PDK1: variants seen among roughly 807,000 people sequenced by gnomAD.
PDK1 encodes the protein [Pyruvate dehydrogenase (acetyl-transferring)] kinase isozyme 1, mitochondrial.
Under a neutral mutation model 54.2 loss-of-function variants are expected in PDK1, and 39 were observed. That is an observed-to-expected ratio of 0.72 (90% CI 0.56 to 0.94). PDK1 has a LOEUF of 0.94. Ranked by LOEUF, PDK1 falls within the 40% of genes least tolerant of loss-of-function variation. The probability of loss-of-function intolerance (pLI) is 0.00; values close to 1 mark genes in which losing one functional copy is unlikely to be tolerated. For synonymous variants in PDK1, 221 were observed against 207.1 expected, an observed-to-expected ratio of 1.07 and a Z score of -0.58; for missense variants, 552 against 566.0, an observed-to-expected ratio of 0.98 and a Z score of 0.25.
chr2:172,582,118 G>GGCC (rs929828794), intron 8 of PDK1, among the ~76,000 whole-genome samples: 1 of 152,034 alleles, frequency 6.6e-6, no homozygotes, highest in Non-Finnish European at 1.5e-5. Flanking sequence ...TCACCATGTT[G>GGCC]GCCAGGCTGG....
upstream of PDK1, chr2:172,556,003 G>C (rs1688290972): frequency 2.0e-6 from 1 of 504,306 alleles, no homozygotes; most frequent in Non-Finnish European, 3.2e-6. Flanking sequence ...CAGCGGCGCA[G>C]GGGGCCGGGC....
chr2:172,616,745 A>C, the PDK1 span, among the ~76,000 whole-genome samples: 1 of 152,216 alleles, frequency 6.6e-6, no homozygotes, highest in African/African-American at 2.4e-5. Flanking sequence ...TTTTAAAAGC[A>C]ATAAAATAAT....
chr2:172,689,800 T>C, the PDK1 span, among the ~76,000 whole-genome samples: 2,357 of 138,952 alleles, frequency 0.017, 80 homozygotes, highest in African/African-American at 0.055. Context: ...TAGCCATATG[T>C]AGAAAGCTGA....
the PDK1 span, among the ~76,000 whole-genome samples, chr2:172,625,134 GT>G: frequency 3.9e-5 from 6 of 152,176 alleles, 1 homozygote; most frequent in African/African-American, 9.7e-5. Flanking sequence ...GGACTGTGAG[GT>G]GACAGAAATA....
the PDK1 span, among the ~76,000 whole-genome samples, chr2:172,660,366 C>T: frequency 7.0e-6 from 1 of 143,344 alleles, no homozygotes; most frequent in Admixed American, 7.3e-5. Flanking sequence ...AAGCAATTCT[C>T]CTGCCTCAGC....
chr2:172,720,116 C>CT, the PDK1 span, among the ~76,000 whole-genome samples: 19,372 of 116,520 alleles, frequency 0.17, 2,186 homozygotes, highest in African/African-American at 0.29. Flanking sequence ...CTCTCTCTCT[C>CT]TTTTTTTTTT....
chr2:172,718,186 TAAA>T, the PDK1 span, among the ~76,000 whole-genome samples: 35 of 152,342 alleles, frequency 2.3e-4, no homozygotes, highest in African/African-American at 7.9e-4. Flanking sequence ...TGGTATTTTC[TAAA>T]AAGAGAAATC....
intron 8 of PDK1, among the ~76,000 whole-genome samples, chr2:172,580,276 C>G (rs534441419): frequency 7.3e-6 from 1 of 137,902 alleles, no homozygotes; most frequent in African/African-American, 2.7e-5. Flanking sequence ...GCTAATGTGT[C>G]TATTTTTTGG....
At chr2:172,693,797 C>T in the PDK1 span, among the ~76,000 whole-genome samples, 7 of 152,100 alleles carry the variant, frequency 4.6e-5, no homozygotes, top group Admixed American at 1.3e-4. Flanking sequence ...CACTTGGTGC[C>T]CATAGGAAGC....
At chr2:172,664,333 A>AAAAAAAC in the PDK1 span, among the ~76,000 whole-genome samples, 1 of 150,810 alleles carries the variant, frequency 6.6e-6, no homozygotes, top group East Asian at 1.9e-4. Context: ...AAAAAAAAAA[A>AAAAAAAC]AGCATTGCCT....
the PDK1 span, among the ~76,000 whole-genome samples, chr2:172,702,967 C>T: frequency 1.3e-5 from 2 of 151,846 alleles, no homozygotes; most frequent in Non-Finnish European, 2.9e-5. Flanking sequence ...TTCCTGGAAA[C>T]TTTAAATGTT....
At chr2:172,653,006 T>C in the PDK1 span, among the ~76,000 whole-genome samples, 2 of 152,198 alleles carry the variant, frequency 1.3e-5, no homozygotes, top group Non-Finnish European at 2.9e-5. Context: ...AGAGCCCACA[T>C]TGCCAAGACA....
chr2:172,645,892 G>C, the PDK1 span, among the ~76,000 whole-genome samples: 1 of 152,208 alleles, frequency 6.6e-6, no homozygotes, highest in Non-Finnish European at 1.5e-5. Context: ...GTATATGACT[G>C]GTCAGATGTC....
At chr2:172,702,248 G>A in the PDK1 span, among the ~76,000 whole-genome samples, 17 of 152,000 alleles carry the variant, frequency 1.1e-4, no homozygotes, top group Admixed American at 1.0e-3. Context: ...AGGCCGAAGC[G>A]GGCAGATTAC....
At chr2:172,570,460 T>G in intron 7 of PDK1, 1 of 317,276 alleles carries the variant, frequency 3.2e-6, no homozygotes, top group Non-Finnish European at 5.7e-6. Flanking sequence ...AGTTTTCTGC[T>G]TTAATGTAAC....
At chr2:172,647,463 A>C in the PDK1 span, among the ~76,000 whole-genome samples, 3 of 152,230 alleles carry the variant, frequency 2.0e-5, no homozygotes, top group Non-Finnish European at 4.4e-5. Flanking sequence ...TCAAAAGGAC[A>C]CAGGAGGCAA....
intron 9 of PDK1, among the ~76,000 whole-genome samples, chr2:172,588,529 T>C (rs1218635298): frequency 6.6e-6 from 1 of 152,238 alleles, no homozygotes; most frequent in Non-Finnish European, 1.5e-5. Context: ...TATTTTAGGA[T>C]GTAAAATGTA....
At chr2:172,695,205 A>G in the PDK1 span, among the ~76,000 whole-genome samples, 11 of 152,222 alleles carry the variant, frequency 7.2e-5, no homozygotes, top group Admixed American at 5.2e-4. Context: ...CAACTAGCCT[A>G]TGATGAAATT....
chr2:172,578,544 G>A (rs143777049), intron 8 of PDK1, among the ~76,000 whole-genome samples: 1,953 of 151,904 alleles, frequency 0.013, 47 homozygotes, highest in African/African-American at 0.043. Flanking sequence ...GTTTGTTTAC[G>A]GAGTGTGAGT....
Sources: gnomAD v4.1 joint callset for allele counts (sites outside exome capture counted in the v4.1 genomes callset) on GRCh38, gnomAD v4.1.1 for gene constraint, MANE v1.5 for transcripts, NCBI Gene and HGNC (gene_info 2026-07-23, HGNC 2026-07-21) for gene names.